ANTXR1: variants seen among roughly 807,000 people sequenced by gnomAD.
ANTXR1 encodes ANTXR cell adhesion molecule 1.
Under a neutral mutation model 78.1 loss-of-function variants are expected in ANTXR1, and 19 were observed. The observed-to-expected ratio is 0.24, with a 90% confidence interval of 0.17 to 0.36. The LOEUF (loss-of-function observed/expected upper bound fraction) is 0.36, where lower values mean the gene tolerates loss of function less well. Among genes scored for constraint, ANTXR1 ranks in the 10% least tolerant of loss-of-function variants. The pLI is 1.00. For synonymous variants in ANTXR1, 273 were observed against 260.5 expected, an observed-to-expected ratio of 1.05 and a Z score of -0.46; for missense variants, 518 against 718.6, an observed-to-expected ratio of 0.72 and a Z score of 3.19.
At chr2:69,111,334 A>G (rs1488124083) in intron 10 of ANTXR1, among the ~76,000 whole-genome samples, 1 of 152,246 alleles carries the variant, frequency 6.6e-6, no homozygotes, top group African/African-American at 2.4e-5. Context: ...AATGCTAAAA[A>G]GGAGACACTG....
chr2:69,096,278 A>C lies in ANTXR1; in HGVS notation c.703+5359A>C, dbSNP rs1414552858. Among the ~76,000 whole-genome samples the C allele has an allele frequency of 7.1e-4, 7 of 9,806 alleles. No individual in the cohort carries two copies. The East Asian group carries it at 0.026, about 36-fold the overall frequency. 6.4% of individuals were successfully genotyped at this position (9,806 alleles called of 152,430 possible). A position where few individuals can be genotyped will look rare whatever the true frequency, so the allele number is the denominator to read the frequency against. On this transcript the variant is annotated intron_variant, in intron 9 of 17. Transcript: ENST00000303714. The stretch of plus-strand genomic sequence containing the variant: ...GTCAAAAGGAAGGAAGGAAGGAAGG[A>C]AGGAAGGAAGGGAGGAAGGGAGGAA...
At chr2:69,240,188 G>A (rs185165994) in intron 17 of ANTXR1, among the ~76,000 whole-genome samples, 1 of 152,166 alleles carries the variant, frequency 6.6e-6, no homozygotes, top group Non-Finnish European at 1.5e-5. Flanking sequence ...GCTGCACCTC[G>A]GAGCTCCGGT....
intron 17 of ANTXR1, among the ~76,000 whole-genome samples, chr2:69,233,198 T>C (rs1284858090): frequency 6.6e-6 from 1 of 152,126 alleles, no homozygotes. Context: ...GTACTTGTTA[T>C]ACGACAAGTA....
chr2:69,071,393 AT>A (rs1356338844), intron 4 of ANTXR1, among the ~76,000 whole-genome samples: 7 of 152,218 alleles, frequency 4.6e-5, no homozygotes, highest in Admixed American at 4.6e-4. Flanking sequence ...TGTAACACTA[AT>A]GATATTTGTT....
intron 16 of ANTXR1, among the ~76,000 whole-genome samples, chr2:69,190,779 TCTC>T (rs1674526206): frequency 6.6e-6 from 1 of 152,158 alleles, no homozygotes; most frequent in African/African-American, 2.4e-5. Context: ...TTCTACTCAT[TCTC>T]CTGGTATTAT....
intron 10 of ANTXR1, among the ~76,000 whole-genome samples, chr2:69,110,939 G>A (rs1671962184): frequency 6.6e-6 from 1 of 152,116 alleles, no homozygotes; most frequent in Non-Finnish European, 1.5e-5. Flanking sequence ...GACAGAGACT[G>A]GAAAGATACT....
At chr2:69,045,454 G>A (rs1669735323) in intron 3 of ANTXR1, among the ~76,000 whole-genome samples, 1 of 152,068 alleles carries the variant, frequency 6.6e-6, no homozygotes, top group Non-Finnish European at 1.5e-5. Flanking sequence ...AGAGTGGAGA[G>A]GATAGTCTTC....
intron 16 of ANTXR1, among the ~76,000 whole-genome samples, chr2:69,187,060 G>A (rs968061845): frequency 1.3e-5 from 2 of 152,218 alleles, no homozygotes; most frequent in African/African-American, 4.8e-5. Flanking sequence ...TGTACTTACT[G>A]AATTGCATTG....
At chr2:69,156,452 C>G (rs1482951914) in intron 13 of ANTXR1, among the ~76,000 whole-genome samples, 2 of 152,176 alleles carry the variant, frequency 1.3e-5, no homozygotes, top group Non-Finnish European at 2.9e-5. Flanking sequence ...CACCTTCATC[C>G]TTTAAAAAAT....
chr2:69,153,300 T>TTGA, intron 13 of ANTXR1, among the ~76,000 whole-genome samples: 1 of 152,222 alleles, frequency 6.6e-6, no homozygotes, highest in East Asian at 1.9e-4. Context: ...ACAGCTCAAC[T>TTGA]GAACCAAGAC....
At position 69,183,875 on chromosome 2, in the gene ANTXR1, C is replaced by T. The variant is rs147390125; in HGVS notation, c.1353+1215C>T. Among the ~76,000 whole-genome samples, 282 of 152,258 alleles carry T rather than the reference C, an allele frequency of 1.9e-3. 1 individual carries two copies. The highest frequency in any genetic ancestry group is 6.4e-3 in the African/African-American group (264 of 41,554). On this transcript the variant is annotated intron_variant, in intron 16 of 17. Transcript: ENST00000303714. ...TGAAAAGACTCTAGACATAATCTGT[C>T]CCCACTCTCTGATTTCATACTGAGA... is the stretch of plus-strand genomic sequence containing the variant.
chr2:69,050,586 T>G (rs1669902969), intron 3 of ANTXR1, among the ~76,000 whole-genome samples: 1 of 150,600 alleles, frequency 6.6e-6, no homozygotes, highest in Non-Finnish European at 1.5e-5. Flanking sequence ...AAACGTTTGT[T>G]CAAAGTTTGA....
intron 16 of ANTXR1, among the ~76,000 whole-genome samples, chr2:69,183,646 A>AGC (rs70954337): frequency 0.58 from 81,744 of 142,106 alleles, 24,294 homozygotes; most frequent in East Asian, 0.77. Flanking sequence ...TGCACTCCTG[A>AGC]TAAAGCAGTC....
Position 69,229,300 on chromosome 2 carries a change from T to C in ANTXR1, c.1435-15925T>C, listed in dbSNP as rs141572587. 2.6e-3 allele frequency among the ~76,000 whole-genome samples: 393 copies of C among 152,306 alleles called. 2 individuals carry two copies. Among genetic ancestry groups the C allele is most frequent in the African/African-American group, 8.7e-3 (360 of 41,550 alleles). ...AATATTCCATTTTGGGGAAAAGGTG[T>C]TGACAGCTACTGGCATAGGAAAAGA... On this transcript the variant is annotated intron_variant, in intron 17 of 17. Coordinates refer to ENST00000303714, the MANE Select transcript of ANTXR1 (RefSeq NM_032208.3).
chr2:69,166,600 TTACTCCCA>T (rs370055740), intron 13 of ANTXR1, among the ~76,000 whole-genome samples: 118 of 152,310 alleles, frequency 7.7e-4, no homozygotes, highest in African/African-American at 2.6e-3. Context: ...GTTCTCAGAT[TTACTCCCA>T]TACTACCATC....
In ANTXR1 at chr2:69,141,302, C is replaced by G. The variant is rs145630060; in HGVS notation, c.952-10867C>G. Among the ~76,000 whole-genome samples, 845 of 152,318 alleles carry G rather than the reference C, an allele frequency of 5.5e-3. 21 individuals are homozygous for G. Among genetic ancestry groups the G allele is most frequent in the Admixed American group, 0.046 (698 of 15,300 alleles). ...GGCCATGTGCCAGGATCTCTGCATG[C>G]CTTGTCTCATGTCATCACAGAACCA... On this transcript the variant is annotated intron_variant, in intron 12 of 17. Transcript: ENST00000303714.
chr2:69,213,578 C>T (rs1329515439), intron 17 of ANTXR1, among the ~76,000 whole-genome samples: 3 of 152,230 alleles, frequency 2.0e-5, no homozygotes, highest in African/African-American at 7.2e-5. Context: ...AGCTGTCATG[C>T]CAGTTCTGTT....
rs536788184 is a variant in ANTXR1 at position 69,151,858 on chromosome 2, G to A, written c.952-311G>A. 5.3e-5 allele frequency among the ~76,000 whole-genome samples: 8 copies of A among 152,268 alleles called. No individual in the cohort carries two copies. In the East Asian group the frequency reaches 1.2e-3, roughly 22 times the overall value. The stretch of plus-strand genomic sequence containing the variant: ...CCAGGCAGGGGATGGTGTTCCAGGG[G>A]GCCAGATGAGCAGTGGAAGTCCATG... On this transcript the variant is annotated intron_variant, in intron 12 of 17. Transcript: ENST00000303714.
intron 12 of ANTXR1, among the ~76,000 whole-genome samples, chr2:69,128,720 GAAGT>G (rs1672629902): frequency 6.6e-6 from 1 of 152,188 alleles, no homozygotes; most frequent in Non-Finnish European, 1.5e-5. Context: ...TCCAAAATAT[GAAGT>G]AAGGTCTTGG....
Sources: allele counts gnomAD v4.1 joint callset (sites outside exome capture counted in the v4.1 genomes callset), GRCh38; gene constraint gnomAD v4.1.1; transcripts MANE v1.5; gene names NCBI Gene and HGNC (gene_info 2026-07-23, HGNC 2026-07-21).